Variants in MPHOSPH8 observed in about 807,000 individuals in gnomAD.
MPHOSPH8 encodes the protein M-phase phosphoprotein 8.
Under a neutral mutation model 87.3 loss-of-function variants are expected in MPHOSPH8, and 45 were observed. That is an observed-to-expected ratio of 0.52 (90% CI 0.41 to 0.66). The LOEUF (loss-of-function observed/expected upper bound fraction) is 0.66, where lower values mean the gene tolerates loss of function less well. MPHOSPH8 is among the 30% of genes least tolerant of loss of function. MPHOSPH8 has a pLI of 0.00. For synonymous variants in MPHOSPH8, 366 were observed against 376.9 expected, an observed-to-expected ratio of 0.97 and a Z score of 0.33; for missense variants, 883 against 1,020.2, an observed-to-expected ratio of 0.87 and a Z score of 1.83.
rs145754173 is a variant in MPHOSPH8 at position 19,645,182 on chromosome 13, C to G, written c.370-1261C>G. 3.6e-3 allele frequency among the ~76,000 whole-genome samples: 555 copies of G among 152,320 alleles called. 2 individuals are homozygous for G. Among genetic ancestry groups the G allele is most frequent in the Non-Finnish European group, 6.1e-3 (413 of 68,032 alleles). On this transcript the variant is annotated intron_variant, in intron 2 of 13. Transcript: ENST00000361479. ...CAGCAGGCCCCACCCCACAGCTGCT[C>G]TCTCAGGCAGCAGCAGCCTGGGCTT...
chr13:19,668,856 C>A (rs989270120), intron 11 of MPHOSPH8, among the ~76,000 whole-genome samples: 17 of 151,988 alleles, frequency 1.1e-4, no homozygotes, highest in African/African-American at 4.1e-4. Flanking sequence ...TAGTCTTTGC[C>A]CTTTGAAAAA....
intron 5 of MPHOSPH8, among the ~76,000 whole-genome samples, chr13:19,653,462 A>G (rs190397266): frequency 1.3e-5 from 2 of 152,368 alleles, no homozygotes; most frequent in African/African-American, 2.4e-5. Context: ...GATGGGGAGA[A>G]ACCAGTGCAA....
At chr13:19,671,764 G>A in intron 13 of MPHOSPH8, 70 bp from the exon 14 acceptor site, 1 of 1,438,302 alleles carries the variant, frequency 7.0e-7, no homozygotes, top group Non-Finnish European at 9.7e-7. Flanking sequence ...TTGGCCATTT[G>A]TGGGTTTTTT....
chr13:19,666,404 A>T (rs778291017), intron 9 of MPHOSPH8, 21 bp from the exon 10 acceptor site: 4 of 1,587,402 alleles, frequency 2.5e-6, no homozygotes. Flanking sequence ...AGTAATTGTT[A>T]CTCCTTTTTA....
At chr13:19,654,168 T>C (rs1478987770) in intron 5 of MPHOSPH8, among the ~76,000 whole-genome samples, 2 of 152,184 alleles carry the variant, frequency 1.3e-5, no homozygotes, top group Non-Finnish European at 2.9e-5. Flanking sequence ...AAAGTCGGGT[T>C]ACCCACAAAG....
In MPHOSPH8 at chr13:19,633,668, T is replaced by C; in HGVS notation, c.-81T>C. On this transcript the variant is annotated 5_prime_UTR_variant, in exon 1 of 14. Coordinates refer to ENST00000361479, the MANE Select transcript of MPHOSPH8 (RefSeq NM_017520.4). The stretch of plus-strand genomic sequence containing the variant: ...CTTCCGTTACGCCGCTGATGTGGAG[T>C]AGGGCCGAGCGCGGAACGCGAGGGG... 1 of 1,464,610 alleles carries C rather than the reference T, an allele frequency of 6.8e-7. No individual in the cohort carries two copies. The highest frequency in any genetic ancestry group is 9.3e-7 in the Non-Finnish European group (1 of 1,070,550). The allele number at this position is 1,464,610 out of a possible 1,614,324, so 90.7% of individuals were successfully genotyped here.
intron 5 of MPHOSPH8, among the ~76,000 whole-genome samples, chr13:19,655,472 A>ACACCACCAC (rs368185684): frequency 1.3e-5 from 2 of 151,838 alleles, no homozygotes; most frequent in Non-Finnish European, 2.9e-5. Context: ...TGTCTCAAAA[A>ACACCACCAC]CACCACCACC....
chr13:19,646,360 T>TA, intron 2 of MPHOSPH8, 83 bp from the exon 3 acceptor site: 1 of 1,163,826 alleles, frequency 8.6e-7, no homozygotes, highest in Non-Finnish European at 1.1e-6. Context: ...AAAATATTCT[T>TA]ACCAAATTTC....
Position 19,672,053 on chromosome 13 carries a change from C to T in MPHOSPH8, c.*178C>T. 1 of 628,318 alleles carries T rather than the reference C, an allele frequency of 1.6e-6. No individual in the cohort carries two copies. The highest frequency in any genetic ancestry group is 2.8e-6 in the Non-Finnish European group (1 of 357,408). 38.9% of individuals were successfully genotyped at this position (628,318 alleles called of 1,614,324 possible). On this transcript the variant is annotated 3_prime_UTR_variant, in exon 14 of 14. Coordinates refer to ENST00000361479, the MANE Select transcript of MPHOSPH8 (RefSeq NM_017520.4). ...ACATAGCTGTGTCTGTGCCAGTATGCCGGAATCTCAGTGCAGTGTCCAGAC... is the reference window on the plus strand; with the variant it reads ...ACATAGCTGTGTCTGTGCCAGTATGTCGGAATCTCAGTGCAGTGTCCAGAC...
chr13:19,646,434 AT>A lies in MPHOSPH8; in HGVS notation c.370-5del, dbSNP rs751173796. On this transcript the variant is annotated splice_polypyrimidine_tract_variant and splice_region_variant and intron_variant, in intron 2 of 13. Coordinates refer to ENST00000361479, the MANE Select transcript of MPHOSPH8 (RefSeq NM_017520.4). ...TAATGAATATTTTAATCTGTTTTGT[AT>A]TTTATAGAGACTATCCTTAAATAAC... 4.8e-6 allele frequency: 7 copies of A among 1,454,798 alleles called. No individual in the cohort carries two copies. The South Asian group carries it at 1.2e-4, about 24-fold the overall frequency. 90.1% of individuals were successfully genotyped at this position (1,454,798 alleles called of 1,614,324 possible). A position where few individuals can be genotyped will look rare whatever the true frequency, so the allele number is the denominator to read the frequency against.
Position 19,671,720 on chromosome 13 carries a change from A to G in MPHOSPH8, c.2542-114A>G, listed in dbSNP as rs1876139007. The stretch of plus-strand genomic sequence containing the variant: ...ATCTAACAATGTAAATTGATAAGCA[A>G]CTTGAAAATATTGCCAAATAATAGA... On this transcript the variant is annotated intron_variant, in intron 13 of 13. Transcript: ENST00000361479. 8 of 884,698 alleles carry G rather than the reference A, an allele frequency of 9.0e-6. No individual in the cohort carries two copies. The East Asian group carries it at 1.5e-4, about 16-fold the overall frequency. 54.8% of individuals were successfully genotyped at this position (884,698 alleles called of 1,614,324 possible). A position where few individuals can be genotyped will look rare whatever the true frequency, so the allele number is the denominator to read the frequency against.
intron 5 of MPHOSPH8, among the ~76,000 whole-genome samples, chr13:19,653,270 T>C (rs1874960671): frequency 6.6e-6 from 1 of 152,250 alleles, no homozygotes; most frequent in Non-Finnish European, 1.5e-5. Context: ...CAGCTTCCGC[T>C]GGTGATACCC....
chr13:19,655,586 G>A (rs185731199), intron 5 of MPHOSPH8, among the ~76,000 whole-genome samples: 1 of 152,240 alleles, frequency 6.6e-6, no homozygotes, highest in East Asian at 1.9e-4. Context: ...GTTTCACCAT[G>A]TTTCCCAGGC....
In MPHOSPH8 at chr13:19,671,130, T is replaced by G; in HGVS notation, c.2458-76T>G. On this transcript the variant is annotated intron_variant, in intron 12 of 13. Coordinates refer to ENST00000361479, the MANE Select transcript of MPHOSPH8 (RefSeq NM_017520.4). ...AAAAATAAAACTTATTTATGATTCT[T>G]TTACATCATTGGTGTTTTAAGGGCT... 2.6e-6 allele frequency: 4 copies of G among 1,550,748 alleles called. No individual in the cohort carries two copies. The Admixed American group carries it at 6.1e-5, about 24-fold the overall frequency.
At position 19,663,056 on chromosome 13, in the gene MPHOSPH8, T is replaced by C. The variant is rs1239145711; in HGVS notation, c.1949T>C (p.Val650Ala). 6.2e-7 allele frequency: 1 copy of C among 1,613,128 alleles called. No individual in the cohort carries two copies. The highest frequency in any genetic ancestry group is 8.5e-7 in the Non-Finnish European group (1 of 1,179,010). Residue 650 changes from valine to alanine, a missense_variant, in exon 9 of 14, where the codon GTG (valine) becomes GCG (alanine). Physicochemically the swap from Val to Ala is moderately conservative, Grantham distance 64 (BLOSUM62 0). Transcript: ENST00000361479. ...TTTTCATAGAACTTTTTAACAACAG[T>C]GGCTATTCTTTTGGAAGCAGGAGCT... Reference protein sequence around the residue: ...HAAEKNFLTTVAILLEAGAFV... With the variant: ...HAAEKNFLTTAAILLEAGAFV...
chr13:19,657,402 A>G (rs1003280133), intron 5 of MPHOSPH8, among the ~76,000 whole-genome samples: 1 of 151,642 alleles, frequency 6.6e-6, no homozygotes, highest in African/African-American at 2.4e-5. Context: ...ATGAGCAAAA[A>G]AATAGCTTTT....
At chr13:19,659,955 A>ATTTTTTTTT (rs34817892) in intron 7 of MPHOSPH8, among the ~76,000 whole-genome samples, 1 of 59,132 alleles carries the variant, frequency 1.7e-5, no homozygotes, top group African/African-American at 6.0e-5. Flanking sequence ...ATATGTATGG[A>ATTTTTTTTT]TTTTTTTTTT....
At chr13:19,662,036 G>T (rs373869389) in intron 8 of MPHOSPH8, among the ~76,000 whole-genome samples, 198 bp downstream of exon 8, 1 of 151,996 alleles carries the variant, frequency 6.6e-6, no homozygotes, top group South Asian at 2.1e-4. Flanking sequence ...CCACCTCCCG[G>T]GTTCACTCCT....
intron 9 of MPHOSPH8, among the ~76,000 whole-genome samples, chr13:19,663,556 C>T (rs1417565382): frequency 2.0e-5 from 3 of 152,164 alleles, no homozygotes; most frequent in Non-Finnish European, 2.9e-5. Flanking sequence ...TCTGTGTGTT[C>T]GTCATTTTAT....
Sources: allele counts gnomAD v4.1 joint callset (sites outside exome capture counted in the v4.1 genomes callset), GRCh38; gene constraint gnomAD v4.1.1; transcripts MANE v1.5; gene names NCBI Gene and HGNC (gene_info 2026-07-23, HGNC 2026-07-21).